Variants in PML observed in about 807,000 individuals in gnomAD.
PML encodes the protein PML nuclear body scaffold.
A neutral mutation model predicts 65.2 loss-of-function variants in PML; 28 were observed. The observed-to-expected ratio is 0.43, with a 90% CI of 0.32 to 0.59. PML has a LOEUF of 0.59. PML is among the 20% of genes least tolerant of loss of function. The pLI, the probability that PML is intolerant of heterozygous loss-of-function variation, is 0.08. For missense variants in PML, 1,021 were observed against 1,203.4 expected, an observed-to-expected ratio of 0.85 and a Z score of 2.24; for synonymous variants, 500 against 508.8, an observed-to-expected ratio of 0.98 and a Z score of 0.23.
chr15:74,024,771 G>A (rs2070998962), intron 3 of PML, 86 bp from the exon 4 acceptor site: 1 of 972,788 alleles, frequency 1.0e-6, no homozygotes. Context: ...AAGCAACAGG[G>A]ACCTCCTCTC....
chr15:74,032,329 C>G, intron 4 of PML: 1 of 556,846 alleles, frequency 1.8e-6, no homozygotes, highest in Non-Finnish European at 3.2e-6. Flanking sequence ...CCCAGGAGTT[C>G]AAGACCAGCG....
At chr15:74,014,550 T>G (rs553998236) in intron 2 of PML, among the ~76,000 whole-genome samples, 2 of 151,752 alleles carry the variant, frequency 1.3e-5, no homozygotes, top group South Asian at 2.1e-4. Flanking sequence ...GATCACAAGG[T>G]CAGGAGTTCG....
chr15:73,998,614 T>C (rs1045688226), intron 2 of PML, 138 bp downstream of exon 2: 4 of 738,738 alleles, frequency 5.4e-6, no homozygotes, highest in Admixed American at 2.4e-5. Context: ...TCTGCAGATA[T>C]GCAGTGTCCG....
In PML at chr15:74,044,368, G is replaced by C; in HGVS notation, c.2009G>C (p.Arg670Pro). 6.2e-7 allele frequency: 1 copy of C among 1,614,180 alleles called. No homozygotes were observed. The highest frequency in any genetic ancestry group is 2.2e-5 in the East Asian group (1 of 44,874). ...QHFLSFLSSM[R>P]RPILACYKLW... Reference sequence around the variant, plus strand: ...TTCCTCAGCTTTCTGAGCTCCATGCGCCGCCCTATCTTGGCCTGCTACAAG... The same window carrying C: ...TTCCTCAGCTTTCTGAGCTCCATGCCCCGCCCTATCTTGGCCTGCTACAAG... Residue 670 changes from arginine to proline, a missense_variant, in exon 9 of 9, where the codon CGC (arginine) becomes CCC (proline). Arg to Pro is a moderately radical substitution (Grantham distance 103). Coordinates refer to ENST00000268058, the MANE Select transcript of PML (RefSeq NM_033238.3).
intron 3 of PML, 136 bp downstream of exon 3, chr15:74,023,544 T>C: frequency 1.3e-6 from 1 of 758,980 alleles, no homozygotes. Flanking sequence ...TGGTAAGGTC[T>C]TAGGTTCCAG....
rs144134022 is a variant in PML at position 74,037,528 on chromosome 15, G to C, written c.1710+2998G>C. 1 of 985,256 alleles carries C rather than the reference G, an allele frequency of 1.0e-6. No homozygotes were observed. The highest frequency in any genetic ancestry group is 1.7e-5 in the African/African-American group (1 of 57,304). 61.0% of individuals were successfully genotyped at this position (985,256 alleles called of 1,614,324 possible). A position where few individuals can be genotyped will look rare whatever the true frequency, so the allele number is the denominator to read the frequency against. Reference sequence around the variant, plus strand: ...CCACCCACTTCTCTCTCCAGCTGTCGGCTCCCCTTCCTCTGCTCTCCTTGT... The same window carrying C: ...CCACCCACTTCTCTCTCCAGCTGTCCGCTCCCCTTCCTCTGCTCTCCTTGT... On this transcript the variant is annotated intron_variant, in intron 7 of 8. Transcript: ENST00000268058. This position sits in a 1 kb window ranked among gnomAD's most constrained non-coding sequence, Gnocchi z 4.2.
At chr15:74,012,803 T>C (rs1312321922) in intron 2 of PML, among the ~76,000 whole-genome samples, 1 of 142,616 alleles carries the variant, frequency 7.0e-6, no homozygotes, top group Non-Finnish European at 1.5e-5. Flanking sequence ...GAGCTCTTAA[T>C]TGGATAGATA....
chr15:73,994,758 C>G lies in PML; in HGVS notation c.-55C>G. ...CAACTGGCTCACGCCTCCCCTTCAG[C>G]TTCTCTTCACGCACTCCAAGATCTA... On this transcript the variant is annotated 5_prime_UTR_variant, in exon 1 of 9. Coordinates refer to ENST00000268058, the MANE Select transcript of PML (RefSeq NM_033238.3). 1.3e-6 allele frequency: 2 copies of G among 1,547,040 alleles called. No individual in the cohort carries two copies. Among genetic ancestry groups the G allele is most frequent in the Non-Finnish European group, 1.7e-6 (2 of 1,143,718 alleles).
At chr15:74,012,837 T>C (rs140526351) in intron 2 of PML, among the ~76,000 whole-genome samples, 3 of 133,526 alleles carry the variant, frequency 2.2e-5, no homozygotes, top group Non-Finnish European at 5.0e-5. Flanking sequence ...ATTTTTTTTT[T>C]CCAAGAAGGA....
At chr15:74,006,337 G>A (rs1350882236) in intron 2 of PML, among the ~76,000 whole-genome samples, 3 of 147,522 alleles carry the variant, frequency 2.0e-5, no homozygotes, top group Non-Finnish European at 4.4e-5. Flanking sequence ...GCTGCAGTGA[G>A]CTGAGATCAC....
In PML at chr15:74,042,124, A is replaced by G. The variant is rs933405854; in HGVS notation, c.1711-865A>G. 3.3e-5 allele frequency among the ~76,000 whole-genome samples: 5 copies of G among 152,356 alleles called. No individual in the cohort carries two copies. In the East Asian group the frequency reaches 9.6e-4, roughly 29 times the overall value. On this transcript the variant is annotated intron_variant, in intron 7 of 8. Transcript: ENST00000268058. This position sits in a 1 kb window ranked among gnomAD's most constrained non-coding sequence, Gnocchi z 5.3. ...CTCTGTAGTCCCAGTCCCTTGGGAA[A>G]ATCTCAGAGCTGGAGCCCTTCCCTC...
At chr15:74,019,712 ATAGT>A (rs764973643) in intron 2 of PML, among the ~76,000 whole-genome samples, 39 of 152,358 alleles carry the variant, frequency 2.6e-4, no homozygotes, top group East Asian at 1.3e-3. Flanking sequence ...AATAATACAA[ATAGT>A]TAGCATTTAT....
Position 74,037,985 on chromosome 15 carries a change from G to A in PML, c.1710+3455G>A, listed in dbSNP as rs181338429. On this transcript the variant is annotated intron_variant, in intron 7 of 8. Transcript: ENST00000268058. The surrounding 1 kb of genome is among the most constrained non-coding windows in gnomAD (Gnocchi z 4.2). ...CTCAAACTCAGCACCTTCTCCTCCC[G>A]TCTCACTGGCTCGCCCCACTCTCTG... 5.7e-4 allele frequency among the ~76,000 whole-genome samples: 86 copies of A among 152,058 alleles called. No individual in the cohort carries two copies. Among genetic ancestry groups the A allele is most frequent in the African/African-American group, 2.0e-3 (82 of 41,474 alleles).
chr15:73,998,179 C>T lies in PML; in HGVS notation c.305C>T (p.Pro102Leu). 6.2e-7 allele frequency: 1 copy of T among 1,614,226 alleles called. No homozygotes were observed. ...QAPWPLGADT[P>L]ALDNVFFESL... ...CCCTGGCCCCTAGGTGCAGACACAC[C>T]CGCCCTGGATAACGTCTTTTTCGAG... is the stretch of plus-strand genomic sequence containing the variant. Residue 102 changes from proline (P) to leucine (L), a missense_variant, in exon 2 of 9, where the codon CCC (proline) becomes CTC (leucine). Coordinates refer to ENST00000268058, the MANE Select transcript of PML (RefSeq NM_033238.3).
chr15:74,043,385 C>T lies in PML; in HGVS notation c.1861+246C>T. 7.0e-7 allele frequency: 1 copy of T among 1,432,584 alleles called. No individual in the cohort carries two copies. The highest frequency in any genetic ancestry group is 9.1e-7 in the Non-Finnish European group (1 of 1,099,566). 88.7% of individuals were successfully genotyped at this position (1,432,584 alleles called of 1,614,324 possible). On this transcript the variant is annotated intron_variant, in intron 8 of 8. Coordinates refer to ENST00000268058, the MANE Select transcript of PML (RefSeq NM_033238.3). This position sits in a 1 kb window ranked among gnomAD's most constrained non-coding sequence, Gnocchi z 4.3. The stretch of plus-strand genomic sequence containing the variant: ...AGAGGCAGATGCCTCCACAAGTGCA[C>T]CTCTGACCAGTTCTTCTCTCAGACA...
chr15:74,001,586 C>T (rs1231609684), intron 2 of PML, among the ~76,000 whole-genome samples: 1 of 152,112 alleles, frequency 6.6e-6, no homozygotes, highest in African/African-American at 2.4e-5. Context: ...AGTGATCCAC[C>T]CGCCTCAGTC....
In PML at chr15:74,045,615, T is replaced by C. The variant is rs1463330664; in HGVS notation, c.*607T>C. On this transcript the variant is annotated 3_prime_UTR_variant, in exon 9 of 9. Transcript: ENST00000268058. ...GAAACTGATGTTCCATGCATGTCCC[T>C]GCTTCCAAAGCCTGACCTTCCAAAG... 8.6e-6 allele frequency: 2 copies of C among 233,720 alleles called. No homozygotes were observed. Among genetic ancestry groups the C allele is most frequent in the Non-Finnish European group, 1.7e-5 (2 of 118,500 alleles). 14.5% of individuals were successfully genotyped at this position (233,720 alleles called of 1,614,324 possible). A position where few individuals can be genotyped will look rare whatever the true frequency, so the allele number is the denominator to read the frequency against.
intron 2 of PML, among the ~76,000 whole-genome samples, chr15:74,014,342 G>GT (rs1343673231): frequency 1.3e-5 from 2 of 151,836 alleles, no homozygotes; most frequent in African/African-American, 2.4e-5. Context: ...TTTTGGGGGG[G>GT]TTTTTTTGAG....
chr15:74,019,874 C>T (rs1173080052), intron 2 of PML, among the ~76,000 whole-genome samples: 1 of 152,196 alleles, frequency 6.6e-6, no homozygotes, highest in Non-Finnish European at 1.5e-5. Context: ...TGGCTTACAG[C>T]TACATAGTAT....
Sources: gnomAD v4.1 joint callset for allele counts (sites outside exome capture counted in the v4.1 genomes callset) on GRCh38, gnomAD v4.1.1 for gene constraint, Gnocchi (gnomAD v3.1) non-coding constraint, MANE v1.5 for transcripts, NCBI Gene and HGNC (gene_info 2026-07-23, HGNC 2026-07-21) for gene names.